The following AGBL3 variants were observed in gnomAD, a reference collection of about 807,000 sequenced individuals.
The protein encoded by AGBL3 is cytosolic carboxypeptidase 3.
Under a neutral mutation model 94.5 loss-of-function variants are expected in AGBL3, and 68 were observed. The ratio of observed to expected loss-of-function variants is 0.72; its 90% CI spans 0.59 to 0.88. AGBL3 has a LOEUF of 0.88. Ranked by LOEUF, AGBL3 falls within the 40% of genes least tolerant of loss-of-function variation. The pLI, the probability that AGBL3 is intolerant of heterozygous loss-of-function variation, is 0.00. For missense variants in AGBL3, 934 were observed against 1,103.8 expected, an observed-to-expected ratio of 0.85 and a Z score of 2.18; for synonymous variants, 354 against 370.7, an observed-to-expected ratio of 0.95 and a Z score of 0.52.
chr7:135,030,001 C>A (rs967617335), intron 5 of AGBL3, among the ~76,000 whole-genome samples: 4 of 151,856 alleles, frequency 2.6e-5, no homozygotes, highest in Non-Finnish European at 4.4e-5. Flanking sequence ...AAAACAATTA[C>A]AACAGTAACA....
At chr7:134,992,450 T>G (rs1331553963) in intron 3 of AGBL3, among the ~76,000 whole-genome samples, 1 of 152,262 alleles carries the variant, frequency 6.6e-6, no homozygotes, top group Admixed American at 6.5e-5. Context: ...TTATGATCAC[T>G]GAAATTATCT....
intron 4 of AGBL3, chr7:134,995,074 C>T (rs933658534): frequency 6.6e-6 from 1 of 152,210 alleles, no homozygotes; most frequent in African/African-American, 2.4e-5. Context: ...TAAACCTTCC[C>T]CCAAGCCTTT....
At chr7:135,045,951 G>T in intron 11 of AGBL3, 40 bp downstream of exon 11, 1 of 1,244,524 alleles carries the variant, frequency 8.0e-7, no homozygotes. Context: ...TTGTTGTGCT[G>T]TTTTACTATG....
intron 15 of AGBL3, among the ~76,000 whole-genome samples, chr7:135,096,584 C>CATAGAGAGATAGATAG (rs1822813178): frequency 1.1e-5 from 1 of 88,816 alleles, no homozygotes; most frequent in South Asian, 5.4e-4. Flanking sequence ...TAGATAGATA[C>CATAGAGAGATAGATAG]ATAGATAGAT....
intron 16 of AGBL3, among the ~76,000 whole-genome samples, chr7:135,120,058 A>G (rs373759876): frequency 6.6e-6 from 1 of 152,202 alleles, no homozygotes; most frequent in East Asian, 1.9e-4. Flanking sequence ...GAAGTCAAGA[A>G]AGGTTCAGAT....
chr7:135,004,410 T>C (rs551840350), intron 4 of AGBL3, among the ~76,000 whole-genome samples: 1 of 151,692 alleles, frequency 6.6e-6, no homozygotes, highest in Non-Finnish European at 1.5e-5. Context: ...CATGTACATT[T>C]ATCAGGTTTT....
At chr7:135,045,327 A>T (rs1393730582) in intron 9 of AGBL3, 147 bp from the exon 10 acceptor site, 1 of 635,414 alleles carries the variant, frequency 1.6e-6, no homozygotes, top group Non-Finnish European at 2.7e-6. Flanking sequence ...AAGCAATGAG[A>T]TGTTAAATGA....
intron 12 of AGBL3, among the ~76,000 whole-genome samples, chr7:135,074,864 A>G (rs1173404340): frequency 6.6e-6 from 1 of 152,186 alleles, no homozygotes; most frequent in African/African-American, 2.4e-5. Flanking sequence ...ATGAATCCCT[A>G]CAATGGTCAG....
chr7:135,097,257 A>G (rs1041769212), intron 15 of AGBL3, among the ~76,000 whole-genome samples: 3 of 152,148 alleles, frequency 2.0e-5, no homozygotes, highest in African/African-American at 7.2e-5. Flanking sequence ...CTTAAAGGGT[A>G]GAGCTCATTT....
At chr7:135,070,710 T>C (rs188259399) in intron 12 of AGBL3, among the ~76,000 whole-genome samples, 17,837 of 151,696 alleles carry the variant, frequency 0.12, 1,164 homozygotes, top group East Asian at 0.19. Context: ...AAATTAGGTA[T>C]TGATGGGACG....
intron 16 of AGBL3, among the ~76,000 whole-genome samples, chr7:135,131,910 C>T (rs1267187236): frequency 1.3e-5 from 2 of 152,054 alleles, no homozygotes; most frequent in Non-Finnish European, 2.9e-5. Flanking sequence ...ACACTACACA[C>T]AAATTTGACA....
At chr7:135,033,222 A>G (rs765648802) in intron 6 of AGBL3, among the ~76,000 whole-genome samples, 3 of 152,250 alleles carry the variant, frequency 2.0e-5, no homozygotes, top group Non-Finnish European at 4.4e-5. Flanking sequence ...GTATGGCAAT[A>G]TGAATTGTCA....
In AGBL3 at chr7:134,987,995, C is replaced by T. The variant is rs77202877; in HGVS notation, c.62C>T (p.Ser21Leu). The T allele has an allele frequency of 2.5e-4, 388 of 1,536,112 alleles. 2 individuals carry two copies. In the African/African-American group the frequency reaches 3.9e-3, roughly 16 times the overall value. Residue 21 changes from serine to leucine, a missense_variant and splice_region_variant, in exon 2 of 17, where the codon TCG (serine) becomes TTG (leucine). Physicochemically the swap from Ser to Leu is moderately radical, Grantham distance 145. Around this residue, in one of 3 missense-constraint regions of AGBL3, gnomAD observed 488 missense variants for 563.6 expected, o/e 0.87. Coordinates refer to ENST00000436302, the MANE Select transcript of AGBL3 (RefSeq NM_178563.4). ...AGAACAATCAGTGATGAAGATGAAT[C>T]GGTATGTTTTTCTCAACTTTATTTT... Reference protein sequence around the residue: ...SDRTISDEDESDEDMFMKFVS... With the variant: ...SDRTISDEDELDEDMFMKFVS...
intron 12 of AGBL3, among the ~76,000 whole-genome samples, chr7:135,072,154 A>G (rs991130085): frequency 5.3e-5 from 8 of 152,350 alleles, no homozygotes; most frequent in African/African-American, 9.6e-5. Context: ...CAAAAGACAC[A>G]TGAAAAAAAT....
At chr7:135,051,285 A>G (rs1376391650) in intron 11 of AGBL3, 5 of 181,002 alleles carry the variant, frequency 2.8e-5, no homozygotes, top group African/African-American at 1.2e-4. Context: ...CCAGATGCAG[A>G]GTATGATTTT....
chr7:135,096,142 A>ACT (rs1479524189), intron 15 of AGBL3, among the ~76,000 whole-genome samples: 1 of 120,144 alleles, frequency 8.3e-6, no homozygotes, highest in South Asian at 3.5e-4. Flanking sequence ...ACAGAGACAG[A>ACT]CTCTCTCTCA....
intron 16 of AGBL3, chr7:135,129,430 T>C: frequency 2.5e-6 from 2 of 785,874 alleles, no homozygotes; most frequent in Non-Finnish European, 4.7e-6. Context: ...CAGAAGGCAC[T>C]GGAAGAGATG....
intron 4 of AGBL3, among the ~76,000 whole-genome samples, chr7:135,015,528 A>G (rs10214950): frequency 0.019 from 2,884 of 152,216 alleles, 102 homozygotes; most frequent in African/African-American, 0.065. Context: ...GATTCTCAAA[A>G]CATGGCTCTC....
intron 4 of AGBL3, chr7:135,010,734 A>G (rs765646775): frequency 6.6e-6 from 1 of 152,230 alleles, no homozygotes; most frequent in Non-Finnish European, 1.5e-5. Flanking sequence ...ACTGTTTCAA[A>G]TAAAATTAAA....
Sources: gnomAD v4.1 joint callset for allele counts (sites outside exome capture counted in the v4.1 genomes callset) on GRCh38, gnomAD v4.1.1 for gene constraint, gnomAD v4.1.1 regional missense constraint, MANE v1.5 for transcripts, NCBI Gene and HGNC (gene_info 2026-07-23, HGNC 2026-07-21) for gene names.